The following ARHGAP6 variants were observed in gnomAD, a reference collection of about 807,000 sequenced individuals.
ARHGAP6 encodes rho GTPase-activating protein 6.
A neutral mutation model predicts 55.7 loss-of-function variants in ARHGAP6; 16 were observed. That is an observed-to-expected ratio of 0.29 (90% CI 0.19 to 0.44). The LOEUF is 0.44. Among genes scored for constraint, ARHGAP6 ranks in the 20% least tolerant of loss-of-function variants. ARHGAP6 has a pLI of 1.00. For missense variants in ARHGAP6, 698 were observed against 808.9 expected (o/e 0.86, Z 1.66); for synonymous variants, 382 against 360.9 (o/e 1.06, Z -0.66).
At chrX:11,553,892 C>A (rs2051295577) in intron 1 of ARHGAP6, among the ~76,000 whole-genome samples, 1 of 111,642 alleles carries the variant, frequency 9.0e-6, no homozygotes, top group Non-Finnish European at 1.9e-5. Flanking sequence ...GTGTGAATAC[C>A]AACATGAATT....
intron 1 of ARHGAP6, among the ~76,000 whole-genome samples, chrX:11,416,256 C>A (rs767883028): frequency 9.0e-6 from 1 of 111,023 alleles, no homozygotes; most frequent in Non-Finnish European, 1.9e-5. Flanking sequence ...AAAGTATCTG[C>A]GTGGTAATGG....
At chrX:11,435,542 C>G (rs1308873032) in intron 1 of ARHGAP6, among the ~76,000 whole-genome samples, 1 of 111,897 alleles carries the variant, frequency 8.9e-6, no homozygotes, top group Non-Finnish European at 1.9e-5. Flanking sequence ...CTCCCCAGAG[C>G]CTACTTGCAC....
chrX:11,664,364 G>A lies in ARHGAP6; in HGVS notation c.465C>T (p.Ile155=), dbSNP rs764119290. The A allele has an allele frequency of 3.5e-5, 43 of 1,211,284 alleles. No homozygotes were observed. In the South Asian group the frequency reaches 6.7e-4, roughly 19 times the overall value. The part of the protein sequence containing the change: ...GPASSRSASS[I]LCSSGGGPNG... The stretch of plus-strand genomic sequence containing the variant: ...TGGGGCCTCCCCCGGATGAACAGAG[G>A]ATGCTGGAAGCGCTTCGGCTACTGG... Residue 155 remains isoleucine (I), a synonymous_variant, in exon 1 of 13, where the codon ATC becomes ATT. Transcript: ENST00000337414.
Position 11,296,182 on chromosome X carries a change from A to G in ARHGAP6, c.589-41475T>C, listed in dbSNP as rs190519078. 5.4e-5 allele frequency among the ~76,000 whole-genome samples: 6 copies of G among 112,140 alleles called. No individual in the cohort carries two copies. In the East Asian group the frequency reaches 1.7e-3, roughly 32 times the overall value. ...GTTCTGGCATTCATCAATAATTCCC[A>G]CCTTGTGGTTTCTTTTGTGGCTTCT... On this transcript the variant is annotated intron_variant, in intron 1 of 12. Transcript: ENST00000337414.
intron 1 of ARHGAP6, among the ~76,000 whole-genome samples, chrX:11,552,601 G>GGACAC (rs2051281784): frequency 2.8e-5 from 1 of 35,956 alleles, no homozygotes; most frequent in African/African-American, 1.1e-4. Flanking sequence ...TATATATATA[G>GGACAC]ACACACACAC....
At chrX:11,441,934 G>T (rs1376129441) in intron 1 of ARHGAP6, among the ~76,000 whole-genome samples, 13 of 107,061 alleles carry the variant, frequency 1.2e-4, no homozygotes, top group Admixed American at 6.1e-4. Flanking sequence ...ATATGTATTT[G>T]AAATATATAT....
At chrX:11,294,701 TG>T (rs2048051851) in intron 1 of ARHGAP6, 5 of 1,016,140 alleles carry the variant, frequency 4.9e-6, no homozygotes, top group Admixed American at 4.4e-5. Flanking sequence ...ATGTAGATTA[TG>T]TGTGTTTTAT....
At chrX:11,496,355 T>G (rs2050621923) in intron 1 of ARHGAP6, among the ~76,000 whole-genome samples, 1 of 112,358 alleles carries the variant, frequency 8.9e-6, no homozygotes, top group Non-Finnish European at 1.9e-5. Flanking sequence ...CCTATCTTTT[T>G]GTGCTTGTAA....
At chrX:11,608,245 G>C (rs1473670953) in intron 1 of ARHGAP6, among the ~76,000 whole-genome samples, 2 of 111,624 alleles carry the variant, frequency 1.8e-5, no homozygotes, top group Non-Finnish European at 3.8e-5. Context: ...TTTAAGTAAT[G>C]GAATAATAGT....
intron 1 of ARHGAP6, among the ~76,000 whole-genome samples, chrX:11,605,605 G>A (rs918750207): frequency 4.5e-5 from 5 of 111,448 alleles, no homozygotes; most frequent in Non-Finnish European, 5.7e-5. Context: ...TTGGGTGCCC[G>A]ACACTTTCTT....
At chrX:11,518,429 C>T (rs1289596693) in intron 1 of ARHGAP6, among the ~76,000 whole-genome samples, 1 of 108,210 alleles carries the variant, frequency 9.2e-6, no homozygotes, top group Admixed American at 1.0e-4. Context: ...CAGGCATGAG[C>T]CACTGTGCCT....
intron 1 of ARHGAP6, among the ~76,000 whole-genome samples, chrX:11,441,455 C>T (rs2050038176): frequency 9.0e-6 from 1 of 111,731 alleles, no homozygotes; most frequent in Non-Finnish European, 1.9e-5. Context: ...CAAGACTCTC[C>T]AAACGTTTTG....
At chrX:11,207,091 G>A (rs1271118471) in intron 2 of ARHGAP6, among the ~76,000 whole-genome samples, 3 of 111,301 alleles carry the variant, frequency 2.7e-5, no homozygotes, top group Non-Finnish European at 5.7e-5. Context: ...TGTCTTCCTG[G>A]AGAGACTCCA....
At chrX:11,407,111 A>T (rs1261288845) in intron 1 of ARHGAP6, among the ~76,000 whole-genome samples, 7 of 111,744 alleles carry the variant, frequency 6.3e-5, no homozygotes, top group East Asian at 2.8e-4. Context: ...TTATCACCTC[A>T]AAAAGAAACC....
At chrX:11,222,452 T>A (rs949394062) in intron 2 of ARHGAP6, among the ~76,000 whole-genome samples, 1 of 111,770 alleles carries the variant, frequency 8.9e-6, no homozygotes, top group African/African-American at 3.2e-5. Context: ...TGCAGATCTT[T>A]TATGACTGCA....
At chrX:11,166,540 G>A (rs911081065) in intron 9 of ARHGAP6, among the ~76,000 whole-genome samples, 3 of 111,885 alleles carry the variant, frequency 2.7e-5, no homozygotes, top group Non-Finnish European at 3.8e-5. Flanking sequence ...ACAACATAGC[G>A]ACATACAAGA....
intron 1 of ARHGAP6, among the ~76,000 whole-genome samples, chrX:11,382,001 C>A (rs1169065921): frequency 9.0e-6 from 1 of 111,562 alleles, no homozygotes; most frequent in Non-Finnish European, 1.9e-5. Flanking sequence ...ATTTGGCTCC[C>A]TTTAGCTTCC....
At chrX:11,220,504 A>T (rs868105250) in intron 2 of ARHGAP6, among the ~76,000 whole-genome samples, 133 of 111,426 alleles carry the variant, frequency 1.2e-3, no homozygotes, top group Middle Eastern at 4.6e-3. Context: ...AAGAATTTTC[A>T]ACCCAGAATT....
chrX:11,400,270 G>A (rs1556008095), intron 1 of ARHGAP6, among the ~76,000 whole-genome samples: 1 of 111,477 alleles, frequency 9.0e-6, no homozygotes, highest in African/African-American at 3.3e-5. Flanking sequence ...ATGCATCACT[G>A]CAGGAGTTCA....
Sources: allele counts gnomAD v4.1 joint callset (sites outside exome capture counted in the v4.1 genomes callset), GRCh38; gene constraint gnomAD v4.1.1; transcripts MANE v1.5; gene names NCBI Gene and HGNC (gene_info 2026-07-23, HGNC 2026-07-21).